The following CDK16 variants were observed in gnomAD, a reference collection of about 807,000 sequenced individuals.
CDK16 encodes the protein cyclin dependent kinase 16.
Under a neutral mutation model 41.6 loss-of-function variants are expected in CDK16, and 2 were observed. The ratio of observed to expected loss-of-function variants is 0.05; its 90% CI spans 0.02 to 0.15. The LOEUF (loss-of-function observed/expected upper bound fraction) is 0.15, where lower values mean the gene tolerates loss of function less well. Among genes scored for constraint, CDK16 ranks in the 10% least tolerant of loss-of-function variants. The pLI is 1.00. For synonymous variants in CDK16, 169 were observed against 169.7 expected (o/e 1.00, Z 0.03); for missense variants, 228 against 428.9 (o/e 0.53, Z 4.14).
chrX:47,222,954 C>CCCA, intron 1 of CDK16: 6 of 688,644 alleles, frequency 8.7e-6, no homozygotes, highest in Non-Finnish European at 1.1e-5. Context: ...ACACACGCTC[C>CCCA]CCTCCCCCCC....
In CDK16 at chrX:47,229,066, G is replaced by A. The variant is rs900450306; in HGVS notation, c.*298G>A. 10 of 405,526 alleles carry A rather than the reference G, an allele frequency of 2.5e-5. No individual in the cohort carries two copies. Among genetic ancestry groups the A allele is most frequent in the African/African-American group, 5.0e-5 (2 of 39,641 alleles). 33.4% of individuals were successfully genotyped at this position (405,526 alleles called of 1,213,427 possible). A position where few individuals can be genotyped will look rare whatever the true frequency, so the allele number is the denominator to read the frequency against. ...GTGCCAGCCTCCCACACTGAGGCCA[G>A]GTCTACCCCCCATCATACCAGCCCC... On this transcript the variant is annotated 3_prime_UTR_variant, in exon 16 of 16. Coordinates refer to ENST00000357227, the MANE Select transcript of CDK16 (RefSeq NM_006201.5).
At chrX:47,223,187 C>T in intron 1 of CDK16, 1 of 1,157,101 alleles carries the variant, frequency 8.6e-7, no homozygotes, top group East Asian at 3.2e-5. Context: ...CCCATCACTG[C>T]AGCTGTACCT....
At chrX:47,226,175 A>G (rs777588584) in intron 8 of CDK16, 104 bp from the exon 9 acceptor site, 2 of 1,145,272 alleles carry the variant, frequency 1.7e-6, no homozygotes, top group East Asian at 6.0e-5. Flanking sequence ...TTTGTGTGAC[A>G]AGGCTCTGGG....
In CDK16 at chrX:47,226,872, G is replaced by A. The variant is rs761368556; in HGVS notation, c.1098G>A (p.Thr366=). The A allele has an allele frequency of 5.0e-6, 6 of 1,210,889 alleles. No homozygotes were observed. The highest frequency in any genetic ancestry group is 1.8e-5 in the South Asian group (1 of 56,758). The stretch of plus-strand genomic sequence containing the variant: ...GCCGTCCCCTCTTTCCGGGCTCCAC[G>A]GTGGAGGAACAGCTACACTTCATCT... ...ATGRPLFPGS[T]VEEQLHFIFR... is the part of the protein sequence containing the mutation. The change falls in exon 11 of 16, where the codon ACG becomes ACA. Residue 366 remains threonine (T), a synonymous_variant. Coordinates refer to ENST00000357227, the MANE Select transcript of CDK16 (RefSeq NM_006201.5).
rs1569227396 is a variant in CDK16 at position 47,225,776 on chromosome X, C to A, written c.639C>A (p.Ser213=). 8 of 1,205,250 alleles carry A rather than the reference C, an allele frequency of 6.6e-6. No homozygotes were observed. The highest frequency in any genetic ancestry group is 7.9e-6 in the Non-Finnish European group (7 of 889,518). The change falls in exon 7 of 16, where the codon TCC becomes TCA. Residue 213 remains serine, a synonymous_variant. Coordinates refer to ENST00000357227, the MANE Select transcript of CDK16 (RefSeq NM_006201.5). ...CCACTCCCATGCTTCCTGCAGTGTCCCTGCTCAAGGACCTCAAACACGCCA... is the reference window on the plus strand; with the variant it reads ...CCACTCCCATGCTTCCTGCAGTGTCACTGCTCAAGGACCTCAAACACGCCA... ...GAPCTAIREV[S]LLKDLKHANI...
At chrX:47,219,143 C>A (rs1937217182) in intron 1 of CDK16, 38 bp downstream of exon 1, 3 of 786,198 alleles carry the variant, frequency 3.8e-6, no homozygotes, top group South Asian at 1.0e-4. Context: ...TGCCCCTCCT[C>A]CTTCAGAACC....
At chrX:47,218,443 T>G, upstream of CDK16, 1 of 489,856 alleles carries the variant, frequency 2.0e-6, no homozygotes, top group Non-Finnish European at 3.3e-6. Context: ...ATGTACCAAG[T>G]GAGACCGAGT....
intron 1 of CDK16, among the ~76,000 whole-genome samples, chrX:47,219,865 C>T (rs1426115786): frequency 9.1e-6 from 1 of 110,243 alleles, no homozygotes; most frequent in Admixed American, 9.6e-5. Flanking sequence ...CCAGTATATG[C>T]TAATGAGGGC....
At chrX:47,228,673 GCCCCACCCACCTACCTGCTTA>G in intron 15 of CDK16, 29 bp downstream of exon 15, 1 of 1,207,377 alleles carries the variant, frequency 8.3e-7, no homozygotes, top group Non-Finnish European at 1.1e-6. Flanking sequence ...CTTCCTCCCT[GCCCCACCCACCTACCTGCTTA>G]CCCACCAACA....
Position 47,219,076 on chromosome X carries a change from G to T in CDK16, c.-36G>T. On this transcript the variant is annotated 5_prime_UTR_variant, in exon 1 of 16. Coordinates refer to ENST00000357227, the MANE Select transcript of CDK16 (RefSeq NM_006201.5). Reference sequence around the variant, plus strand: ...CCAGGCGCCGCCGCGCCGGCCCCGCGGCTCTGAGGTTGCTCGCGCGCCCCC... The same window carrying T: ...CCAGGCGCCGCCGCGCCGGCCCCGCTGCTCTGAGGTTGCTCGCGCGCCCCC... 1.2e-6 allele frequency: 1 copy of T among 805,797 alleles called. No homozygotes were observed. Among genetic ancestry groups the T allele is most frequent in the Non-Finnish European group, 1.5e-6 (1 of 674,218 alleles). 66.4% of individuals were successfully genotyped at this position (805,797 alleles called of 1,213,427 possible).
intron 14 of CDK16, chrX:47,227,692 T>A (rs1569229372): frequency 9.8e-6 from 4 of 409,946 alleles, no homozygotes; most frequent in Non-Finnish European, 1.7e-5. Flanking sequence ...ATATATGCAA[T>A]AGCACTTTAC....
chrX:47,227,575 G>A (rs1207151726), intron 14 of CDK16, 106 bp downstream of exon 14: 1 of 528,176 alleles, frequency 1.9e-6, no homozygotes, highest in East Asian at 3.6e-5. Flanking sequence ...ACCTCTACGT[G>A]GGGGGACATC....
Position 47,218,852 on chromosome X carries a change from G to T in CDK16, c.-260G>T, listed in dbSNP as rs1937197504. The T allele has an allele frequency of 3.6e-6, 4 of 1,120,293 alleles. No individual in the cohort carries two copies. The highest frequency in any genetic ancestry group is 5.2e-4 in the Middle Eastern group (2 of 3,825). 92.3% of individuals were successfully genotyped at this position (1,120,293 alleles called of 1,213,427 possible). On this transcript the variant is annotated 5_prime_UTR_variant, in exon 1 of 16. Transcript: ENST00000357227. ...CAAGCCGGCGCCAACGAGTCCGGGGGCATCGCCCGCAGCGGCCAAGCTCAT... is the reference window on the plus strand; with the variant it reads ...CAAGCCGGCGCCAACGAGTCCGGGGTCATCGCCCGCAGCGGCCAAGCTCAT...
In CDK16 at chrX:47,218,893, ACGCCGCCTCCGCCTCAGCCACCGC is replaced by A; in HGVS notation, c.-211_-188del. The A allele has an allele frequency of 2.8e-6, 3 of 1,073,430 alleles. No homozygotes were observed. Among genetic ancestry groups the A allele is most frequent in the African/African-American group, 2.0e-5 (1 of 50,987 alleles). The allele number at this position is 1,073,430 out of a possible 1,213,427, so 88.5% of individuals were successfully genotyped here. ...CCAAGCTCATGGCCGGCTGAGCGGG[ACGCCGCCTCCGCCTCAGCCACCGC>A]CGCCGCCGCCGCCTCCTCCTCCTCA... On this transcript the variant is annotated 5_prime_UTR_variant, in exon 1 of 16. Transcript: ENST00000357227.
At chrX:47,228,459 T>C (rs1233815442) in intron 14 of CDK16, 108 bp from the exon 15 acceptor site, 7 of 599,326 alleles carry the variant, frequency 1.2e-5, no homozygotes, top group Non-Finnish European at 1.9e-5. Context: ...AGGTCAAGCC[T>C]CTCAGAGAAG....
In CDK16 at chrX:47,228,995, G is replaced by GGTGT. The variant is rs2055291021; in HGVS notation, c.*229_*230insGTGT. The GGTGT allele has an allele frequency of 4.1e-6, 2 of 485,688 alleles. No homozygotes were observed. Among genetic ancestry groups the GGTGT allele is most frequent in the African/African-American group, 4.7e-5 (2 of 42,554 alleles). 40.0% of individuals were successfully genotyped at this position (485,688 alleles called of 1,213,427 possible). A position where few individuals can be genotyped will look rare whatever the true frequency, so the allele number is the denominator to read the frequency against. ...CAAAGCTCTCATCACTCCTTCACTT[G>GGTGT]GTCTGTCTGTCTCTGTCTTGGTAGT... On this transcript the variant is annotated 3_prime_UTR_variant, in exon 16 of 16. Transcript: ENST00000357227.
rs188399731 is a variant in CDK16, at chrX:47,228,539, C to T, written c.1376-28C>T. 6.0e-5 allele frequency: 71 copies of T among 1,176,390 alleles called. No individual in the cohort carries two copies. In the African/African-American group the frequency reaches 1.2e-3, roughly 19 times the overall value. ...TCCTAGATGACCTCATGGGTCATCC[C>T]CCACTTCTATGTCTCCCCCATCTGT... On this transcript the variant is annotated intron_variant, in intron 14 of 15. Coordinates refer to ENST00000357227, the MANE Select transcript of CDK16 (RefSeq NM_006201.5).
At position 47,218,725 on chromosome X, in the gene CDK16, GGC is replaced by G; in HGVS notation, c.-379_-378del. ...GCCTGCGTGCGCATGCGCGGAGCGC[GGC>G]GCGCGCGGCGGTTGGGCCGTTGGCT... On this transcript the variant is annotated 5_prime_UTR_variant, in exon 1 of 16. It introduces an in-frame stop codon into an upstream open reading frame of the 5' UTR. Coordinates refer to ENST00000357227, the MANE Select transcript of CDK16 (RefSeq NM_006201.5). 8.6e-7 allele frequency: 1 copy of G among 1,161,259 alleles called. No homozygotes were observed.
Position 47,225,356 on chromosome X carries a change from T to C in CDK16, c.634+254T>C, listed in dbSNP as rs938506523. Among the ~76,000 whole-genome samples, 5 of 112,358 alleles carry C rather than the reference T, an allele frequency of 4.5e-5. No homozygotes were observed. The Admixed American group carries it at 4.7e-4, about 11-fold the overall frequency. On this transcript the variant is annotated intron_variant, in intron 6 of 15. Coordinates refer to ENST00000357227, the MANE Select transcript of CDK16 (RefSeq NM_006201.5). ...TGAAAGTGCTCACCAGTTTATTTAC[T>C]GTAACAATTTCTAGTCAGAATATCA...
Sources: allele counts gnomAD v4.1 joint callset (sites outside exome capture counted in the v4.1 genomes callset), GRCh38; gene constraint gnomAD v4.1.1; transcripts MANE v1.5; gene names NCBI Gene and HGNC (gene_info 2026-07-23, HGNC 2026-07-21).